The following C4orf36 variants were observed in gnomAD, a reference collection of about 807,000 sequenced individuals.
C4orf36 encodes uncharacterized protein C4orf36.
In C4orf36, 11 loss-of-function variants were observed where a neutral mutation model predicts 12.2. That is an observed-to-expected ratio of 0.90 (90% CI 0.57 to 1.49). The LOEUF is 1.49. C4orf36 is among the 40% of genes most tolerant of loss of function. C4orf36 has a pLI of 0.00. For synonymous variants in C4orf36, 54 were observed against 51.3 expected, an observed-to-expected ratio of 1.05 and a Z score of -0.22; for missense variants, 137 against 133.9, an observed-to-expected ratio of 1.02 and a Z score of -0.11.
At chr4:86,901,197 C>T in the C4orf36 span, among the ~76,000 whole-genome samples, 1 of 151,460 alleles carries the variant, frequency 6.6e-6, no homozygotes. Context: ...GTTGGCCAGG[C>T]TGGTCTCGAA....
upstream of C4orf36, among the ~76,000 whole-genome samples, chr4:86,894,463 A>C (rs955193884): frequency 3.3e-5 from 5 of 152,186 alleles, no homozygotes; most frequent in Non-Finnish European, 5.9e-5. Flanking sequence ...ATTTGAGGTT[A>C]TATCCAGATA....
chr4:86,914,384 CTT>C, the C4orf36 span: 5 of 511,432 alleles, frequency 9.8e-6, no homozygotes, highest in Non-Finnish European at 1.7e-5. Context: ...TCCCGTTCTT[CTT>C]CTTCCTTTTT....
chr4:86,893,868 A>T (rs1436031961), upstream of C4orf36, among the ~76,000 whole-genome samples: 37 of 14,096 alleles, frequency 2.6e-3, no homozygotes, highest in African/African-American at 4.3e-3. Context: ...CTGAATTTTT[A>T]TTTATTTATT....
At chr4:86,897,285 T>C (rs1348205559), upstream of C4orf36, among the ~76,000 whole-genome samples, 1 of 152,028 alleles carries the variant, frequency 6.6e-6, no homozygotes, top group African/African-American at 2.4e-5. Context: ...TGCTTGAGCC[T>C]GGGAGGTGGA....
At chr4:86,918,930 G>A in the C4orf36 span, among the ~76,000 whole-genome samples, 4 of 152,198 alleles carry the variant, frequency 2.6e-5, no homozygotes, top group Admixed American at 2.0e-4. Context: ...TGGAGACCCT[G>A]AGATGCTGGT....
the C4orf36 span, among the ~76,000 whole-genome samples, chr4:86,908,973 G>T: frequency 6.6e-6 from 1 of 152,078 alleles, no homozygotes; most frequent in Non-Finnish European, 1.5e-5. Context: ...TACTTGGTGT[G>T]GAGCAGACAG....
upstream of C4orf36, among the ~76,000 whole-genome samples, chr4:86,893,638 T>C (rs933637329): frequency 1.3e-5 from 2 of 151,638 alleles, no homozygotes; most frequent in Non-Finnish European, 2.9e-5. Flanking sequence ...CAACTTCTGA[T>C]CCTTCTGATT....
Position 86,892,201 on chromosome 4 carries a change from C to A in C4orf36, c.-92G>T, listed in dbSNP as rs13105143. On this transcript the variant is annotated 5_prime_UTR_variant, in exon 1 of 5. Transcript: ENST00000295898. Reference sequence around the variant, plus strand: ...CCCACACCTGGGCCCCACCCTGCCTCCGACTCGCCAGGAATGCGCTGTGTG... The same window carrying A: ...CCCACACCTGGGCCCCACCCTGCCTACGACTCGCCAGGAATGCGCTGTGTG... 2,225 of 985,588 alleles carry A rather than the reference C, an allele frequency of 2.3e-3. 45 individuals carry two copies. In the African/African-American group the frequency reaches 0.036, roughly 16 times the overall value. 61.1% of individuals were successfully genotyped at this position (985,588 alleles called of 1,614,324 possible). A position where few individuals can be genotyped will look rare whatever the true frequency, so the allele number is the denominator to read the frequency against.
At chr4:86,888,421 G>A in intron 2 of C4orf36, 146 bp from the exon 3 acceptor site, 1 of 676,590 alleles carries the variant, frequency 1.5e-6, no homozygotes, top group Non-Finnish European at 2.5e-6. Context: ...ATTTTCCAGA[G>A]TTGTAGTTCC....
At chr4:86,887,278 T>G (rs996287133) in intron 4 of C4orf36, 1 of 151,960 alleles carries the variant, frequency 6.6e-6, no homozygotes, top group African/African-American at 2.4e-5. Flanking sequence ...ATATATATAT[T>G]TAAAAAAAAG....
At chr4:86,909,568 A>AT in the C4orf36 span, among the ~76,000 whole-genome samples, 5 of 152,142 alleles carry the variant, frequency 3.3e-5, no homozygotes. Context: ...TTAAATTCTA[A>AT]TTTTTTATCA....
At chr4:86,925,393 TG>T in the C4orf36 span, 1 of 152,168 alleles carries the variant, frequency 6.6e-6, no homozygotes, top group South Asian at 2.1e-4. Flanking sequence ...AGCTAATTTT[TG>T]TATTTTGAGA....
At chr4:86,935,973 T>A in the C4orf36 span, 1 of 152,064 alleles carries the variant, frequency 6.6e-6, no homozygotes, top group African/African-American at 2.4e-5. Context: ...GTGGAGAGTG[T>A]GAATCACACG....
chr4:86,910,327 A>G, the C4orf36 span, among the ~76,000 whole-genome samples: 1 of 151,956 alleles, frequency 6.6e-6, no homozygotes, highest in Non-Finnish European at 1.5e-5. Flanking sequence ...CAGGAGAATC[A>G]CTTGAACCCG....
chr4:86,880,156 CCAG>C (rs1747017381), intron 4 of C4orf36, among the ~76,000 whole-genome samples: 1 of 152,204 alleles, frequency 6.6e-6, no homozygotes, highest in Admixed American at 6.5e-5. Context: ...GCCCAGCCTA[CCAG>C]CAGATTTTTT....
the C4orf36 span, among the ~76,000 whole-genome samples, chr4:86,912,375 A>G: frequency 2.0e-5 from 3 of 152,192 alleles, no homozygotes. Context: ...AGACTCAAAA[A>G]TGTTAAGGAA....
At chr4:86,913,419 G>A in the C4orf36 span, 2 of 740,986 alleles carry the variant, frequency 2.7e-6, no homozygotes, top group Admixed American at 1.8e-5. Flanking sequence ...ACACCGTGTT[G>A]CGGTCCTCAG....
At chr4:86,928,705 C>T in the C4orf36 span, among the ~76,000 whole-genome samples, 8 of 152,114 alleles carry the variant, frequency 5.3e-5, no homozygotes, top group African/African-American at 1.7e-4. Context: ...ACATCTCCAT[C>T]CTCATTTTTT....
At chr4:86,914,650 C>A in the C4orf36 span, 1 of 331,986 alleles carries the variant, frequency 3.0e-6, no homozygotes, top group Non-Finnish European at 5.8e-6. Context: ...ATCCACCTGC[C>A]GAGGCCTCTC....
Sources: gnomAD v4.1 joint callset for allele counts (sites outside exome capture counted in the v4.1 genomes callset) on GRCh38, gnomAD v4.1.1 for gene constraint, MANE v1.5 for transcripts, NCBI Gene and HGNC (gene_info 2026-07-23, HGNC 2026-07-21) for gene names.